Variants in DCC observed in about 807,000 individuals in gnomAD.
DCC encodes netrin receptor DCC.
DCC carries 58 observed loss-of-function variants against 172.5 expected under a neutral mutation model. The ratio of observed to expected loss-of-function variants is 0.34; its 90% CI spans 0.27 to 0.42. DCC has a LOEUF of 0.42. Ranked by LOEUF, DCC falls within the 10% of genes least tolerant of loss-of-function variation. The pLI is 1.00. For missense variants in DCC, 1,740 were observed against 1,791.0 expected (o/e 0.97, Z 0.51); for synonymous variants, 709 against 644.5 (o/e 1.10, Z -1.52).
intron 5 of DCC, among the ~76,000 whole-genome samples, chr18:53,020,559 G>A (rs533796530): frequency 1.1e-4 from 16 of 152,278 alleles, no homozygotes; most frequent in African/African-American, 3.8e-4. Context: ...AATGTGGCAT[G>A]TTTCACACTC....
chr18:52,956,562 T>C (rs2040747953), intron 5 of DCC, among the ~76,000 whole-genome samples: 1 of 152,018 alleles, frequency 6.6e-6, no homozygotes, highest in African/African-American at 2.4e-5. Context: ...CCCTTAAATA[T>C]TAGGTTTGCT....
chr18:53,172,841 A>G (rs2055033971), intron 8 of DCC, among the ~76,000 whole-genome samples: 1 of 152,132 alleles, frequency 6.6e-6, no homozygotes. Flanking sequence ...AATGATATCA[A>G]TACTAGATTT....
At chr18:52,376,483 ATGTG>A (rs35302015) in intron 1 of DCC, among the ~76,000 whole-genome samples, 122 of 150,070 alleles carry the variant, frequency 8.1e-4, no homozygotes, top group African/African-American at 2.4e-3. Flanking sequence ...GTATATTTCT[ATGTG>A]TGTGTGTGTG....
chr18:53,207,916 T>G, intron 11 of DCC, 99 bp downstream of exon 11: 1 of 1,145,508 alleles, frequency 8.7e-7, no homozygotes, highest in Non-Finnish European at 1.3e-6. Flanking sequence ...TTTTCAAGGC[T>G]TCCTGACTAA....
chr18:52,726,748 C>A (rs939115355), intron 1 of DCC, among the ~76,000 whole-genome samples: 1 of 152,142 alleles, frequency 6.6e-6, no homozygotes, highest in African/African-American at 2.4e-5. Context: ...TGACTATGGC[C>A]AAGCTATGTG....
At chr18:53,142,098 G>A (rs1447494911) in intron 7 of DCC, among the ~76,000 whole-genome samples, 1 of 152,166 alleles carries the variant, frequency 6.6e-6, no homozygotes, top group Admixed American at 6.5e-5. Context: ...TTAGCTATTA[G>A]CTGTTACCTA....
At chr18:52,976,891 A>G (rs1273464229) in intron 5 of DCC, among the ~76,000 whole-genome samples, 1 of 152,234 alleles carries the variant, frequency 6.6e-6, no homozygotes, top group Non-Finnish European at 1.5e-5. Context: ...TGAAACCTGT[A>G]AAATGAGATA....
At chr18:53,105,468 G>T (rs1329158730) in intron 7 of DCC, among the ~76,000 whole-genome samples, 1 of 151,798 alleles carries the variant, frequency 6.6e-6, no homozygotes, top group Non-Finnish European at 1.5e-5. Flanking sequence ...TTTATAATGG[G>T]GCTCTAGTAC....
chr18:53,406,352 T>A (rs1049718415), intron 19 of DCC, among the ~76,000 whole-genome samples: 1 of 152,048 alleles, frequency 6.6e-6, no homozygotes, highest in Non-Finnish European at 1.5e-5. Flanking sequence ...TTTATTCCCT[T>A]TGTTACTTTC....
chr18:52,439,686 A>C (rs1471620808), intron 1 of DCC, among the ~76,000 whole-genome samples: 1 of 152,240 alleles, frequency 6.6e-6, no homozygotes, highest in African/African-American at 2.4e-5. Flanking sequence ...AGGATCCTTC[A>C]ACAGAGAGAG....
intron 5 of DCC, among the ~76,000 whole-genome samples, chr18:52,936,482 A>C (rs1178154186): frequency 8.2e-6 from 1 of 121,746 alleles, no homozygotes; most frequent in Non-Finnish European, 1.9e-5. Flanking sequence ...TGGAGAAAAT[A>C]ATGTGAGCAT....
chr18:53,410,560 A>G lies in DCC; in HGVS notation c.3044A>G (p.Asp1015Gly). The G allele has an allele frequency of 6.2e-7, 1 of 1,609,810 alleles. No homozygotes were observed. Among genetic ancestry groups the G allele is most frequent in the Non-Finnish European group, 8.5e-7 (1 of 1,176,034 alleles). Residue 1015 changes from aspartate to glycine, a missense_variant, in exon 20 of 29, where the codon GAT becomes GGT. Transcript: ENST00000442544. ...CATCAAATCATGGATCTCAACCTTG[A>G]TACTATGTATTACTTTCGAATTCAA... ...LTHQIMDLNLDTMYYFRIQAR... is the reference protein window; with the variant it reads ...LTHQIMDLNLGTMYYFRIQAR...
intron 1 of DCC, among the ~76,000 whole-genome samples, chr18:52,395,076 C>T (rs1986170718): frequency 6.6e-6 from 1 of 152,030 alleles, no homozygotes; most frequent in African/African-American, 2.4e-5. Context: ...CAAGCCAAAG[C>T]TACTGATGAA....
chr18:53,066,347 A>ATGTG (rs1325606848), intron 7 of DCC, among the ~76,000 whole-genome samples, 181 bp downstream of exon 7: 1 of 87,344 alleles, frequency 1.1e-5, no homozygotes, highest in African/African-American at 5.1e-5. Flanking sequence ...GTGTGTGTAC[A>ATGTG]TGTGTGTATA....
intron 1 of DCC, among the ~76,000 whole-genome samples, chr18:52,473,642 G>T (rs187760665): frequency 6.7e-4 from 102 of 152,250 alleles, no homozygotes; most frequent in Non-Finnish European, 3.8e-4. Flanking sequence ...ATCAGCTCTC[G>T]TGAGAACTAA....
At chr18:53,316,024 A>T (rs2057340080) in intron 13 of DCC, among the ~76,000 whole-genome samples, 1 of 152,062 alleles carries the variant, frequency 6.6e-6, no homozygotes, top group South Asian at 2.1e-4. Flanking sequence ...TTGGTGTTTT[A>T]GTCATGAAGT....
intron 1 of DCC, among the ~76,000 whole-genome samples, chr18:52,391,728 T>C (rs1165281691): frequency 6.6e-6 from 1 of 152,126 alleles, no homozygotes; most frequent in Non-Finnish European, 1.5e-5. Context: ...GGAGTCATAA[T>C]GCAACTGAGC....
rs908272413 is a variant in DCC, at chr18:52,340,234, C to T, written c.-554C>T. 3.8e-5 allele frequency: 7 copies of T among 186,552 alleles called. No homozygotes were observed. The highest frequency in any genetic ancestry group is 5.3e-5 in the Admixed American group (1 of 18,794). 11.6% of individuals were successfully genotyped at this position (186,552 alleles called of 1,614,324 possible). ...CGGACACCCCAGTAACAAGTGAGAG[C>T]GCTCCACCCCGCAGTCCCCCCCGCC... is the stretch of plus-strand genomic sequence containing the variant. On this transcript the variant is annotated 5_prime_UTR_variant, in exon 1 of 29. Transcript: ENST00000442544.
chr18:53,444,805 A>C (rs898643368), intron 22 of DCC, among the ~76,000 whole-genome samples: 16 of 152,146 alleles, frequency 1.1e-4, no homozygotes, highest in African/African-American at 3.6e-4. Context: ...TGGAACCAAA[A>C]CCACAGTATT....
Sources: gnomAD v4.1 joint callset for allele counts (sites outside exome capture counted in the v4.1 genomes callset) on GRCh38, gnomAD v4.1.1 for gene constraint, MANE v1.5 for transcripts, NCBI Gene and HGNC (gene_info 2026-07-23, HGNC 2026-07-21) for gene names.